Variants in CTNNA2 observed in about 807,000 individuals in gnomAD.
CTNNA2 encodes catenin alpha-2.
In CTNNA2, 42 loss-of-function variants were observed where a neutral mutation model predicts 101.0. The observed-to-expected ratio is 0.42, with a 90% CI of 0.32 to 0.54. The LOEUF (loss-of-function observed/expected upper bound fraction) is 0.54, where lower values mean the gene tolerates loss of function less well. Ranked by LOEUF, CTNNA2 falls within the 20% of genes least tolerant of loss-of-function variation. CTNNA2 has a pLI of 0.14. For missense variants in CTNNA2, 871 were observed against 1,223.1 expected (o/e 0.71, Z 4.29); for synonymous variants, 450 against 456.4 (o/e 0.99, Z 0.18).
chr2:79,971,824 C>T lies in CTNNA2; in HGVS notation c.1056+62027C>T, dbSNP rs539464796. On this transcript the variant is annotated intron_variant, in intron 7 of 18. Transcript: ENST00000402739. ...AGTTTGTAGTTTGGACAAGGCTAAG[C>T]AAGGATAGCTCTACTGTGTGTCAGC... is the stretch of plus-strand genomic sequence containing the variant. Among the ~76,000 whole-genome samples, 6 of 152,258 alleles carry T rather than the reference C, an allele frequency of 3.9e-5. No individual in the cohort carries two copies. The East Asian group carries it at 1.2e-3, about 29-fold the overall frequency.
chr2:80,606,587 T>G (rs1342038180), intron 16 of CTNNA2, among the ~76,000 whole-genome samples: 2 of 151,866 alleles, frequency 1.3e-5, no homozygotes, highest in African/African-American at 2.4e-5. Context: ...CAGAAAAAAA[T>G]GTTATCAAAT....
chr2:80,026,696 C>T (rs896401282), intron 7 of CTNNA2, among the ~76,000 whole-genome samples: 1 of 152,030 alleles, frequency 6.6e-6, no homozygotes, highest in African/African-American at 2.4e-5. Flanking sequence ...TGGAAAGGAC[C>T]TTGTTTGTCA....
intron 3 of CTNNA2, among the ~76,000 whole-genome samples, chr2:79,818,612 G>A (rs1379581131): frequency 6.6e-6 from 1 of 151,824 alleles, no homozygotes; most frequent in Non-Finnish European, 1.5e-5. Context: ...ACCAAGCCCG[G>A]CCTGTGATTT....
chr2:79,190,223 T>C (rs1242360056), intron 1 of CTNNA2, among the ~76,000 whole-genome samples: 1 of 151,996 alleles, frequency 6.6e-6, no homozygotes, highest in Non-Finnish European at 1.5e-5. Flanking sequence ...CTTTACATTC[T>C]ACCAACTATC....
intron 7 of CTNNA2, among the ~76,000 whole-genome samples, chr2:79,955,233 C>T (rs1162310830): frequency 1.3e-5 from 2 of 152,194 alleles, no homozygotes; most frequent in Non-Finnish European, 2.9e-5. Context: ...AATTCTGCTA[C>T]CTCCCTTTTA....
chr2:79,969,331 T>G (rs1690312802), intron 7 of CTNNA2, among the ~76,000 whole-genome samples: 2 of 152,230 alleles, frequency 1.3e-5, no homozygotes, highest in Admixed American at 6.5e-5. Flanking sequence ...TGGAGCCCCG[T>G]GCTCTAAAGA....
intron 2 of CTNNA2, among the ~76,000 whole-genome samples, chr2:79,291,984 A>G (rs1675832439): frequency 6.6e-6 from 1 of 152,238 alleles, no homozygotes; most frequent in East Asian, 1.9e-4. Flanking sequence ...GCAATACTTC[A>G]GATACCCAGG....
chr2:79,887,456 T>A (rs956670416), intron 6 of CTNNA2, among the ~76,000 whole-genome samples: 2 of 152,236 alleles, frequency 1.3e-5, no homozygotes, highest in Non-Finnish European at 2.9e-5. Flanking sequence ...ATTTGATGTT[T>A]TTACATAATA....
intron 7 of CTNNA2, among the ~76,000 whole-genome samples, chr2:80,308,345 A>G (rs1677221131): frequency 6.6e-6 from 1 of 152,176 alleles, no homozygotes; most frequent in African/African-American, 2.4e-5. Context: ...TGATTATTTT[A>G]ATGTTCTGTC....
chr2:79,487,440 A>G (rs1558679385), intron 4 of CTNNA2, among the ~76,000 whole-genome samples: 1 of 152,204 alleles, frequency 6.6e-6, no homozygotes, highest in Non-Finnish European at 1.5e-5. Context: ...TGTAGTGAAC[A>G]TTCTGGGACT....
At chr2:80,500,164 G>C (rs1433444406) in intron 9 of CTNNA2, among the ~76,000 whole-genome samples, 1 of 152,078 alleles carries the variant, frequency 6.6e-6, no homozygotes, top group Non-Finnish European at 1.5e-5. Flanking sequence ...TAAATAAGTA[G>C]ATACTTTTTA....
intron 1 of CTNNA2, among the ~76,000 whole-genome samples, chr2:79,519,891 G>T (rs1672012724): frequency 6.6e-6 from 1 of 152,176 alleles, no homozygotes; most frequent in Admixed American, 6.5e-5. Context: ...TGTGTGGTTG[G>T]CTTGTTTCGG....
At chr2:80,386,100 C>G (rs933479698) in intron 7 of CTNNA2, among the ~76,000 whole-genome samples, 1 of 152,158 alleles carries the variant, frequency 6.6e-6, no homozygotes, top group African/African-American at 2.4e-5. Context: ...GCCTGGTAGT[C>G]TCACCAATAT....
intron 2 of CTNNA2, among the ~76,000 whole-genome samples, chr2:79,718,607 T>C (rs1343632512): frequency 6.6e-6 from 1 of 152,188 alleles, no homozygotes; most frequent in Non-Finnish European, 1.5e-5. Flanking sequence ...AGAAGACATA[T>C]CTCTTTCCCT....
chr2:80,326,931 G>C (rs1057218978), intron 7 of CTNNA2, among the ~76,000 whole-genome samples: 18 of 151,932 alleles, frequency 1.2e-4, no homozygotes, highest in African/African-American at 4.1e-4. Context: ...AAAGTACTGT[G>C]CCTAGCCCCC....
chr2:79,572,796 C>T lies in CTNNA2; in HGVS notation c.-6+59589C>T, dbSNP rs182719392. ...GGCCAGTGTATATGATCTTACATTC[C>T]TTTTATTGTAAAAGTCTGTGATGAT... On this transcript the variant is annotated intron_variant, in intron 1 of 18. Coordinates refer to ENST00000402739, the MANE Select transcript of CTNNA2 (RefSeq NM_001282597.3). Among the ~76,000 whole-genome samples, 410 of 152,154 alleles carry T rather than the reference C, an allele frequency of 2.7e-3. 7 individuals carry two copies. Among genetic ancestry groups the T allele is most frequent in the Non-Finnish European group, 7.6e-4 (52 of 67,996 alleles).
At chr2:79,499,303 C>T (rs1031665476) in intron 4 of CTNNA2, 2 of 152,136 alleles carry the variant, frequency 1.3e-5, no homozygotes, top group Non-Finnish European at 2.9e-5. Flanking sequence ...AACTGAATCT[C>T]ATAAACTGAA....
chr2:80,127,184 A>G (rs538866329), intron 7 of CTNNA2, among the ~76,000 whole-genome samples: 1 of 152,328 alleles, frequency 6.6e-6, no homozygotes, highest in Admixed American at 6.5e-5. Flanking sequence ...CCCCAAATCA[A>G]CTTTATAGCC....
intron 7 of CTNNA2, among the ~76,000 whole-genome samples, chr2:80,190,295 C>A (rs1343602872): frequency 6.6e-6 from 1 of 151,960 alleles, no homozygotes; most frequent in Non-Finnish European, 1.5e-5. Flanking sequence ...ATCTTACCTG[C>A]AGAAGTGGTC....
Sources: allele counts gnomAD v4.1 joint callset (sites outside exome capture counted in the v4.1 genomes callset), GRCh38; gene constraint gnomAD v4.1.1; transcripts MANE v1.5; gene names NCBI Gene and HGNC (gene_info 2026-07-23, HGNC 2026-07-21).